CAST: variants seen among roughly 807,000 people sequenced by gnomAD.
The protein encoded by CAST is MIR583 host.
A neutral mutation model predicts 119.6 loss-of-function variants in CAST; 76 were observed. The ratio of observed to expected loss-of-function variants is 0.64; its 90% CI spans 0.53 to 0.77. The LOEUF (loss-of-function observed/expected upper bound fraction) is 0.77, where lower values mean the gene tolerates loss of function less well. Ranked by LOEUF, CAST falls within the 30% of genes least tolerant of loss-of-function variation. CAST has a pLI of 0.00. For missense variants in CAST, 953 were observed against 946.5 expected (o/e 1.01, Z -0.09); for synonymous variants, 319 against 331.6 (o/e 0.96, Z 0.41).
chr5:96,047,059 A>G, the CAST span, among the ~76,000 whole-genome samples: 2 of 152,168 alleles, frequency 1.3e-5, no homozygotes, highest in Admixed American at 6.5e-5. Context: ...ATTCCTAAAG[A>G]ACCACATTAG....
At chr5:96,374,550 C>T in the CAST span, among the ~76,000 whole-genome samples, 7 of 152,164 alleles carry the variant, frequency 4.6e-5, no homozygotes, top group African/African-American at 1.7e-4. Flanking sequence ...CATCAATCTG[C>T]GTATTCATGT....
the CAST span, among the ~76,000 whole-genome samples, chr5:96,371,562 C>T: frequency 6.6e-6 from 1 of 152,196 alleles, no homozygotes; most frequent in African/African-American, 2.4e-5. Context: ...ATTAAACTTT[C>T]CTTTCATTAT....
the CAST span, among the ~76,000 whole-genome samples, chr5:96,035,784 A>AG: frequency 6.6e-6 from 1 of 150,956 alleles, no homozygotes; most frequent in African/African-American, 2.4e-5. Context: ...TGTGTAAAGC[A>AG]GGGGGTGGAG....
chr5:96,305,412 G>T, the CAST span, among the ~76,000 whole-genome samples: 2 of 152,332 alleles, frequency 1.3e-5, no homozygotes, highest in Admixed American at 1.3e-4. Flanking sequence ...AAGACAATTT[G>T]ACTTTCTCTC....
chr5:96,650,234 G>T (rs919929442), intron 1 of CAST, among the ~76,000 whole-genome samples: 4 of 152,196 alleles, frequency 2.6e-5, no homozygotes, highest in Non-Finnish European at 5.9e-5. Flanking sequence ...CGAGGGATGA[G>T]GGTCACTTCC....
At chr5:96,605,422 A>C (rs1044182909) in intron 1 of CAST, among the ~76,000 whole-genome samples, 1 of 152,256 alleles carries the variant, frequency 6.6e-6, no homozygotes, top group African/African-American at 2.4e-5. Context: ...TAATGTGCAA[A>C]GCCAGATTTG....
Position 96,757,451 on chromosome 5 carries a change from A to G in CAST, c.1718A>G (p.Asp573Gly). Residue 573 changes from aspartate (D) to glycine (G), a missense_variant, in exon 23 of 32, where the codon GAT becomes GGT. Transcript: ENST00000675179. The part of the protein sequence containing the change: ...DYRLEEVKDK[D>G]GKPLLPKESK... ...GTTTTCCCCCCCGGATAGGATAAAGATGGAAAGCCACTCCTGCCAAAAGAG... is the reference window on the plus strand; with the variant it reads ...GTTTTCCCCCCCGGATAGGATAAAGGTGGAAAGCCACTCCTGCCAAAAGAG... The G allele has an allele frequency of 6.8e-6, 11 of 1,614,064 alleles. No individual in the cohort carries two copies. Among genetic ancestry groups the G allele is most frequent in the Non-Finnish European group, 9.3e-6 (11 of 1,179,892 alleles).
At chr5:96,135,686 C>G in the CAST span, among the ~76,000 whole-genome samples, 1 of 152,126 alleles carries the variant, frequency 6.6e-6, no homozygotes, top group Non-Finnish European at 1.5e-5. Flanking sequence ...TCTTGTGTTT[C>G]TGCCTTCTGT....
intron 1 of CAST, among the ~76,000 whole-genome samples, chr5:96,619,540 GCTTTGTT>G (rs1441708739): frequency 5.3e-5 from 8 of 152,232 alleles, no homozygotes; most frequent in Admixed American, 4.6e-4. Context: ...CAGTGTGGTA[GCTTTGTT>G]CTTTTGCTTT....
chr5:96,572,283 C>A (rs1307765955), intron 1 of CAST, among the ~76,000 whole-genome samples: 1 of 152,064 alleles, frequency 6.6e-6, no homozygotes, highest in African/African-American at 2.4e-5. Context: ...TGACTGCAAC[C>A]TCTGCCTCCT....
At chr5:96,542,625 C>G (rs942738866) in intron 1 of CAST, among the ~76,000 whole-genome samples, 1 of 151,948 alleles carries the variant, frequency 6.6e-6, no homozygotes, top group Admixed American at 6.6e-5. Context: ...ATATTTTGCC[C>G]ATTTAAACTT....
rs760205463 is a variant in CAST at position 96,757,547 on chromosome 5, A to G, written c.1762-36A>G. 3.1e-6 allele frequency: 5 copies of G among 1,611,808 alleles called. No homozygotes were observed. In the East Asian group the frequency reaches 1.1e-4, roughly 36 times the overall value. The stretch of plus-strand genomic sequence containing the variant: ...ATCTTTTCCTTTTGGCCCTGATTGC[A>G]ATGGTGTTTGTTGATACATTTCCTG... On this transcript the variant is annotated intron_variant, in intron 23 of 31. Transcript: ENST00000675179.
At chr5:96,616,554 A>T (rs73774334) in intron 1 of CAST, among the ~76,000 whole-genome samples, 1 of 152,210 alleles carries the variant, frequency 6.6e-6, no homozygotes, top group African/African-American at 2.4e-5. Flanking sequence ...CCTCACCAAG[A>T]TTCTCTGAGG....
At chr5:96,739,687 G>T (rs112144947) in intron 11 of CAST, among the ~76,000 whole-genome samples, 214 of 152,314 alleles carry the variant, frequency 1.4e-3, no homozygotes, top group Non-Finnish European at 2.6e-3. Context: ...TGACAAAGCT[G>T]ATAGAGTTGG....
chr5:96,588,785 A>G (rs550866769), intron 1 of CAST, among the ~76,000 whole-genome samples: 11 of 152,188 alleles, frequency 7.2e-5, no homozygotes, highest in Non-Finnish European at 1.2e-4. Flanking sequence ...ACTTTGTCCC[A>G]TGATTTCTCT....
the CAST span, among the ~76,000 whole-genome samples, chr5:96,046,334 T>C: frequency 6.6e-6 from 1 of 152,102 alleles, no homozygotes; most frequent in Non-Finnish European, 1.5e-5. Context: ...GGGAGAGATC[T>C]AGCACCAACC....
the CAST span, among the ~76,000 whole-genome samples, chr5:95,970,876 C>G: frequency 6.6e-6 from 1 of 152,166 alleles, no homozygotes; most frequent in Non-Finnish European, 1.5e-5. Context: ...TGACTTTTCT[C>G]TCCAATATTT....
the CAST span, among the ~76,000 whole-genome samples, chr5:96,281,446 C>G: frequency 6.6e-6 from 1 of 152,166 alleles, no homozygotes; most frequent in African/African-American, 2.4e-5. Context: ...CAAGATTAAT[C>G]AGCAGTTAAT....
At chr5:96,565,964 G>T (rs982891008) in intron 1 of CAST, among the ~76,000 whole-genome samples, 14 of 152,298 alleles carry the variant, frequency 9.2e-5, no homozygotes, top group African/African-American at 3.4e-4. Context: ...TGAGGTGGGA[G>T]CACAATTTAT....
Sources: gnomAD v4.1 joint callset for allele counts (sites outside exome capture counted in the v4.1 genomes callset) on GRCh38, gnomAD v4.1.1 for gene constraint, MANE v1.5 for transcripts, NCBI Gene and HGNC (gene_info 2026-07-23, HGNC 2026-07-21) for gene names.